Variants in TMEM255B observed in about 807,000 individuals in gnomAD.
TMEM255B encodes family with sequence similarity 70, member B.
Under a neutral mutation model 34.5 loss-of-function variants are expected in TMEM255B, and 35 were observed. The observed-to-expected ratio is 1.01, with a 90% CI of 0.77 to 1.34. The LOEUF (loss-of-function observed/expected upper bound fraction) is 1.34, where lower values mean the gene tolerates loss of function less well. Among genes scored for constraint, TMEM255B ranks in the 40% most tolerant of loss-of-function variants. The pLI is 0.00. For synonymous variants in TMEM255B, 206 were observed against 201.2 expected (o/e 1.02, Z -0.20); for missense variants, 432 against 433.2 (o/e 1.00, Z 0.02).
chr13:113,783,601 A>G (rs1481132581), intron 3 of TMEM255B, among the ~76,000 whole-genome samples: 2 of 152,162 alleles, frequency 1.3e-5, no homozygotes. Flanking sequence ...GACGTGGAGA[A>G]AGGGCCATGA....
chr13:113,760,626 G>A (rs978608732), intron 1 of TMEM255B, among the ~76,000 whole-genome samples: 42 of 150,708 alleles, frequency 2.8e-4, no homozygotes, highest in Admixed American at 1.7e-3. Context: ...GGTGGATTAT[G>A]GTCTTTCTGC....
chr13:113,812,040 C>T lies in TMEM255B; in HGVS notation c.*137C>T, dbSNP rs541004152. ...AGAAGTCTGTCCCCTCCTTTCCTCCCTGGGCACACTGGTGAGGGAGGCTGG... is the reference window on the plus strand; with the variant it reads ...AGAAGTCTGTCCCCTCCTTTCCTCCTTGGGCACACTGGTGAGGGAGGCTGG... On this transcript the variant is annotated 3_prime_UTR_variant, in exon 9 of 9. Transcript: ENST00000375353. 74 of 1,140,516 alleles carry T rather than the reference C, an allele frequency of 6.5e-5. No homozygotes were observed. The highest frequency in any genetic ancestry group is 1.6e-5 in the African/African-American group (1 of 63,680). The allele number at this position is 1,140,516 out of a possible 1,614,324, so 70.6% of individuals were successfully genotyped here.
chr13:113,805,389 A>G (rs1484312939), intron 8 of TMEM255B, among the ~76,000 whole-genome samples: 1 of 152,236 alleles, frequency 6.6e-6, no homozygotes, highest in Non-Finnish European at 1.5e-5. Flanking sequence ...AGGTGGAGCC[A>G]TATGGATCTG....
intron 3 of TMEM255B, among the ~76,000 whole-genome samples, chr13:113,777,542 C>T (rs556224827): frequency 6.1e-4 from 93 of 152,334 alleles, no homozygotes; most frequent in Non-Finnish European, 1.1e-3. Flanking sequence ...GCAGCTCCCC[C>T]AGCGCTGTGC....
At chr13:113,777,715 G>A (rs2050602420) in intron 3 of TMEM255B, among the ~76,000 whole-genome samples, 2 of 152,214 alleles carry the variant, frequency 1.3e-5, no homozygotes, top group African/African-American at 4.8e-5. Context: ...TTGTCCTAAG[G>A]AGGGGGATGA....
In TMEM255B at chr13:113,814,780, C is replaced by T. The variant is rs1011170266; in HGVS notation, c.*2877C>T. ...GCAGGGATGGGCTCCCAATCCCGCC[C>T]TCACTTGGTTCCCATGCACAGCCGA... On this transcript the variant is annotated 3_prime_UTR_variant, in exon 9 of 9. Transcript: ENST00000375353. 2 of 151,770 alleles carry T rather than the reference C, an allele frequency of 1.3e-5. No individual in the cohort carries two copies. Among genetic ancestry groups the T allele is most frequent in the African/African-American group, 4.8e-5 (2 of 41,288 alleles). 9.4% of individuals were successfully genotyped at this position (151,770 alleles called of 1,614,324 possible).
Position 113,815,136 on chromosome 13 carries a change from T to A in TMEM255B, c.*3233T>A, listed in dbSNP as rs2051387957. 6.6e-6 allele frequency: 1 copy of A among 152,138 alleles called. No homozygotes were observed. The highest frequency in any genetic ancestry group is 2.1e-4 in the South Asian group (1 of 4,826). The allele number at this position is 152,138 out of a possible 1,614,324, so 9.4% of individuals were successfully genotyped here. A position where few individuals can be genotyped will look rare whatever the true frequency, so the allele number is the denominator to read the frequency against. On this transcript the variant is annotated 3_prime_UTR_variant, in exon 9 of 9. Transcript: ENST00000375353. Reference sequence around the variant, plus strand: ...GGGAGTCTCCTCCTGCCTCAGTTTCTACATTTCACACAGCAGCACTGCTCA... The same window carrying A: ...GGGAGTCTCCTCCTGCCTCAGTTTCAACATTTCACACAGCAGCACTGCTCA...
intron 3 of TMEM255B, among the ~76,000 whole-genome samples, chr13:113,774,601 A>ACG (rs2050531908): frequency 6.7e-6 from 1 of 149,942 alleles, no homozygotes; most frequent in Non-Finnish European, 1.5e-5. Context: ...CACACAAATG[A>ACG]CACACACCAC....
chr13:113,807,614 C>T (rs1345823741), intron 8 of TMEM255B, among the ~76,000 whole-genome samples: 9 of 101,760 alleles, frequency 8.8e-5, no homozygotes, highest in African/African-American at 2.4e-4. Context: ...CGTGGGCTTA[C>T]GGGATGTGGG....
At chr13:113,768,185 C>T (rs1208810211) in intron 2 of TMEM255B, 2 of 470,290 alleles carry the variant, frequency 4.3e-6, no homozygotes, top group African/African-American at 2.0e-5. Context: ...GCCCGGCGCA[C>T]CTGCGTGGGA....
intron 3 of TMEM255B, among the ~76,000 whole-genome samples, chr13:113,784,507 C>CAG (rs1003761208): frequency 4.1e-4 from 60 of 146,850 alleles, no homozygotes; most frequent in Middle Eastern, 3.5e-3. Context: ...GTGAGGAAGA[C>CAG]AGAGAGAGAG....
In TMEM255B at chr13:113,806,091, G is replaced by A. The variant is rs1017890855; in HGVS notation, c.813+1063G>A. ...AGAGGACCCTCTCCCGACACATGACGTTGTCAGGAAAAGATCTTCCTTAGA... is the reference window on the plus strand; with the variant it reads ...AGAGGACCCTCTCCCGACACATGACATTGTCAGGAAAAGATCTTCCTTAGA... On this transcript the variant is annotated intron_variant, in intron 8 of 8. Coordinates refer to ENST00000375353, the MANE Select transcript of TMEM255B (RefSeq NM_182614.4). This position sits in a 1 kb window ranked among gnomAD's most constrained non-coding sequence, Gnocchi z 4.2. 6.6e-6 allele frequency among the ~76,000 whole-genome samples: 1 copy of A among 152,166 alleles called. No individual in the cohort carries two copies. The highest frequency in any genetic ancestry group is 1.5e-5 in the Non-Finnish European group (1 of 68,022).
At chr13:113,785,702 G>A (rs541027211) in intron 3 of TMEM255B, among the ~76,000 whole-genome samples, 7 of 152,290 alleles carry the variant, frequency 4.6e-5, no homozygotes, top group Admixed American at 2.6e-4. Flanking sequence ...GGTTGCCGCT[G>A]GGCTTGGAGA....
rs139181649 is a variant in TMEM255B, at chr13:113,804,211, C to T, written c.670-674C>T. Among the ~76,000 whole-genome samples the T allele has an allele frequency of 2.0e-5, 3 of 152,312 alleles. No homozygotes were observed. The East Asian group carries it at 5.8e-4, about 29-fold the overall frequency. On this transcript the variant is annotated intron_variant, in intron 7 of 8. Transcript: ENST00000375353. The stretch of plus-strand genomic sequence containing the variant: ...AGGCCGGCCGGGGCCTGAGTTGGAG[C>T]CAGCACCTTCTTTGGAGAATTTTAA...
At chr13:113,796,038 G>A (rs1253483113) in intron 4 of TMEM255B, among the ~76,000 whole-genome samples, 8 of 109,190 alleles carry the variant, frequency 7.3e-5, no homozygotes, top group Non-Finnish European at 8.8e-5. Context: ...CCATAACAGA[G>A]CACACAGCAC....
At chr13:113,794,309 C>T (rs990081657) in intron 3 of TMEM255B, among the ~76,000 whole-genome samples, 26 of 152,244 alleles carry the variant, frequency 1.7e-4, no homozygotes, top group South Asian at 4.1e-4. Context: ...AGGACAGGTC[C>T]GAACAGACTC....
chr13:113,802,874 G>T (rs1033447970), intron 7 of TMEM255B, among the ~76,000 whole-genome samples: 1 of 148,098 alleles, frequency 6.8e-6, no homozygotes, highest in African/African-American at 2.5e-5. Context: ...CCTCCCAGGG[G>T]TCCTTGCTCT....
chr13:113,770,452 A>T lies in TMEM255B; in HGVS notation c.252+1292A>T, dbSNP rs1164267495. Among the ~76,000 whole-genome samples the T allele has an allele frequency of 2.0e-5, 3 of 152,296 alleles. No individual in the cohort carries two copies. Among genetic ancestry groups the T allele is most frequent in the Non-Finnish European group, 2.9e-5 (2 of 68,022 alleles). ...ACCCAGCAAACTCCCACTGCTGCCC[A>T]GGAGACTGACCCTTGGGCAGATGGA... On this transcript the variant is annotated intron_variant, in intron 3 of 8. Coordinates refer to ENST00000375353, the MANE Select transcript of TMEM255B (RefSeq NM_182614.4). The surrounding 1 kb of genome is among the most constrained non-coding windows in gnomAD (Gnocchi z 4.6).
intron 7 of TMEM255B, among the ~76,000 whole-genome samples, chr13:113,802,587 C>T (rs2051085730): frequency 7.2e-6 from 1 of 139,770 alleles, no homozygotes; most frequent in African/African-American, 2.6e-5. Flanking sequence ...AGGCCAGACC[C>T]GGCCCAGCGA....
Sources: gnomAD v4.1 joint callset for allele counts (sites outside exome capture counted in the v4.1 genomes callset) on GRCh38, gnomAD v4.1.1 for gene constraint, Gnocchi (gnomAD v3.1) non-coding constraint, MANE v1.5 for transcripts, NCBI Gene and HGNC (gene_info 2026-07-23, HGNC 2026-07-21) for gene names.